Variants in RGS17 observed in about 807,000 individuals in gnomAD.
RGS17 encodes regulator of G-protein signaling 17.
A neutral mutation model predicts 25.5 loss-of-function variants in RGS17; 12 were observed. That is an observed-to-expected ratio of 0.47 (90% confidence interval 0.30 to 0.76). The LOEUF is 0.76. Ranked by LOEUF, RGS17 falls within the 30% of genes least tolerant of loss-of-function variation. The pLI is 0.07. For missense variants in RGS17, 196 were observed against 242.2 expected (o/e 0.81, Z 1.27); for synonymous variants, 71 against 76.9 (o/e 0.92, Z 0.40).
At chr6:153,119,225 A>G (rs1327498170) in intron 1 of RGS17, among the ~76,000 whole-genome samples, 1 of 152,150 alleles carries the variant, frequency 6.6e-6, no homozygotes, top group Non-Finnish European at 1.5e-5. Context: ...ATTCTCTGGT[A>G]CCATCTGGAC....
chr6:153,130,660 T>C lies in RGS17; in HGVS notation c.-26+464A>G, dbSNP rs1398917392. Among the ~76,000 whole-genome samples the C allele has an allele frequency of 2.0e-5, 3 of 152,128 alleles. No individual in the cohort carries two copies. The highest frequency in any genetic ancestry group is 1.5e-5 in the Non-Finnish European group (1 of 68,022). On this transcript the variant is annotated intron_variant, in intron 1 of 4. Transcript: ENST00000206262. This position sits in a 1 kb window ranked among gnomAD's most constrained non-coding sequence, Gnocchi z 6.4. ...AGGTGATCAGTCGATTGGACACTGTTGATGGCACATTCTCCTCGTTCCCAA... is the reference window on the plus strand; with the variant it reads ...AGGTGATCAGTCGATTGGACACTGTCGATGGCACATTCTCCTCGTTCCCAA...
At chr6:153,097,527 C>A (rs965396886) in intron 1 of RGS17, among the ~76,000 whole-genome samples, 1 of 151,698 alleles carries the variant, frequency 6.6e-6, no homozygotes, top group South Asian at 2.1e-4. Flanking sequence ...AATTTTAGGT[C>A]CTTTGTGCAG....
chr6:153,130,570 T>C lies in RGS17; in HGVS notation c.-26+554A>G, dbSNP rs1171456290. ...TTTCGCAACCTCTTCTTCGAACACC[T>C]TCCCCACCTGAGCAGTGCATTTTCC... On this transcript the variant is annotated intron_variant, in intron 1 of 4. Coordinates refer to ENST00000206262, the MANE Select transcript of RGS17 (RefSeq NM_012419.5). This position sits in a 1 kb window ranked among gnomAD's most constrained non-coding sequence, Gnocchi z 6.4. Among the ~76,000 whole-genome samples the C allele has an allele frequency of 1.3e-5, 2 of 151,940 alleles. No homozygotes were observed. Among genetic ancestry groups the C allele is most frequent in the Admixed American group, 6.6e-5 (1 of 15,266 alleles).
chr6:153,100,658 G>A (rs1238931076), intron 1 of RGS17, among the ~76,000 whole-genome samples: 1 of 152,134 alleles, frequency 6.6e-6, no homozygotes, highest in Non-Finnish European at 1.5e-5. Context: ...AACGTTCCTA[G>A]AGGAATGTCT....
intron 2 of RGS17, among the ~76,000 whole-genome samples, chr6:153,040,390 T>C (rs888190966): frequency 5.9e-5 from 9 of 152,078 alleles, no homozygotes; most frequent in African/African-American, 2.2e-4. Context: ...GAGCTGACAA[T>C]GAAATATGAA....
At chr6:153,065,146 T>C (rs796586241) in intron 1 of RGS17, among the ~76,000 whole-genome samples, 13 of 151,820 alleles carry the variant, frequency 8.6e-5, no homozygotes, top group African/African-American at 3.1e-4. Flanking sequence ...AGAGCAGGAG[T>C]AGCTACACTT....
At chr6:153,125,606 G>A (rs1057161629) in intron 1 of RGS17, among the ~76,000 whole-genome samples, 3 of 152,124 alleles carry the variant, frequency 2.0e-5, no homozygotes, top group Non-Finnish European at 2.9e-5. Flanking sequence ...AGTGGCTCAC[G>A]CCTGTAATCC....
At chr6:153,071,633 A>C (rs9479492) in intron 1 of RGS17, among the ~76,000 whole-genome samples, 3,777 of 152,248 alleles carry the variant, frequency 0.025, 151 homozygotes, top group African/African-American at 0.087. Flanking sequence ...ATTGCTATAA[A>C]GGTTTCTAAA....
intron 1 of RGS17, among the ~76,000 whole-genome samples, chr6:153,100,330 CTTG>C (rs1462558384): frequency 2.0e-5 from 3 of 152,244 alleles, no homozygotes; most frequent in Admixed American, 6.5e-5. Flanking sequence ...CTTCCAGAAA[CTTG>C]TTATTTCTCC....
chr6:153,061,722 A>C (rs1450705796), intron 1 of RGS17, among the ~76,000 whole-genome samples: 2 of 152,218 alleles, frequency 1.3e-5, no homozygotes, highest in African/African-American at 4.8e-5. Context: ...GAAGGAGTTA[A>C]AACACATGAA....
At chr6:153,047,157 G>T (rs1352070643) in intron 1 of RGS17, among the ~76,000 whole-genome samples, 1 of 152,102 alleles carries the variant, frequency 6.6e-6, no homozygotes, top group East Asian at 1.9e-4. Flanking sequence ...GATTATTTCT[G>T]ATAAACTCAC....
chr6:153,112,399 C>T (rs6557266), intron 1 of RGS17, among the ~76,000 whole-genome samples: 70,445 of 151,408 alleles, frequency 0.47, 16,943 homozygotes, highest in East Asian at 0.85. Context: ...GAATGAATAA[C>T]GCCTCCACGA....
intron 1 of RGS17, among the ~76,000 whole-genome samples, chr6:153,093,507 T>A (rs1047580488): frequency 1.3e-5 from 2 of 152,196 alleles, no homozygotes; most frequent in African/African-American, 4.8e-5. Context: ...GCTTCTTCAG[T>A]ACCAGGCAAG....
chr6:153,054,070 A>ATATACG (rs1257958450), intron 1 of RGS17, among the ~76,000 whole-genome samples: 79 of 49,188 alleles, frequency 1.6e-3, no homozygotes, highest in Non-Finnish European at 2.1e-3. Flanking sequence ...ATATATACAT[A>ATATACG]TATATATACA....
At chr6:153,018,536 G>A (rs190363106) in intron 4 of RGS17, among the ~76,000 whole-genome samples, 241 of 152,172 alleles carry the variant, frequency 1.6e-3, no homozygotes, top group Admixed American at 2.5e-3. Flanking sequence ...AATAATAATT[G>A]ATCATAATTA....
At chr6:153,085,909 T>C (rs1777046876) in intron 1 of RGS17, among the ~76,000 whole-genome samples, 5 of 150,332 alleles carry the variant, frequency 3.3e-5, no homozygotes, top group Admixed American at 2.7e-4. Context: ...GAAAAACAAC[T>C]GTAGAGGGGG....
chr6:153,077,121 G>C (rs1320655451), intron 1 of RGS17, among the ~76,000 whole-genome samples: 1 of 152,128 alleles, frequency 6.6e-6, no homozygotes, highest in African/African-American at 2.4e-5. Context: ...TTCCCACAAA[G>C]TATTTAACTT....
intron 4 of RGS17, among the ~76,000 whole-genome samples, chr6:153,021,562 T>C (rs1779248456): frequency 6.6e-6 from 1 of 152,228 alleles, no homozygotes; most frequent in Admixed American, 6.5e-5. Context: ...TGCTTGTTTG[T>C]TTTTGCCATT....
Position 153,033,216 on chromosome 6 carries a change from C to T in RGS17, c.120-6673G>A, listed in dbSNP as rs577975380. ...TCTATATTCAATTTTCATTTGAAAC[C>T]CCAAGGCCTGGATTTCCTTCATGGA... is the stretch of plus-strand genomic sequence containing the variant. On this transcript the variant is annotated intron_variant, in intron 2 of 4. Transcript: ENST00000206262. Among the ~76,000 whole-genome samples, 34 of 152,060 alleles carry T rather than the reference C, an allele frequency of 2.2e-4. 1 individual carries two copies. The highest frequency in any genetic ancestry group is 7.7e-4 in the African/African-American group (32 of 41,454).
Sources: allele counts gnomAD v4.1 joint callset (sites outside exome capture counted in the v4.1 genomes callset), GRCh38; gene constraint gnomAD v4.1.1; non-coding constraint Gnocchi (gnomAD v3.1); transcripts MANE v1.5; gene names NCBI Gene and HGNC (gene_info 2026-07-23, HGNC 2026-07-21).